Variants in TRIM6 observed in about 807,000 individuals in gnomAD.
TRIM6 encodes the protein tripartite motif containing 6.
TRIM6 carries 43 observed loss-of-function variants against 51.2 expected under a neutral mutation model. That is an observed-to-expected ratio of 0.84 (90% CI 0.66 to 1.08). The LOEUF is 1.08. Among genes scored for constraint, TRIM6 ranks in the 50% least tolerant of loss-of-function variants. The pLI, the probability that TRIM6 is intolerant of heterozygous loss-of-function variation, is 0.00. For synonymous variants in TRIM6, 215 were observed against 232.4 expected (o/e 0.93, Z 0.68); for missense variants, 669 against 619.0 (o/e 1.08, Z -0.86).
Position 5,603,666 on chromosome 11 carries a change from T to C in TRIM6, c.438T>C (p.Leu146=), listed in dbSNP as rs767795956. 2 of 1,612,940 alleles carry C rather than the reference T, an allele frequency of 1.2e-6. No homozygotes were observed. Among genetic ancestry groups the C allele is most frequent in the South Asian group, 2.2e-5 (2 of 90,878 alleles). ...CQEDGKVICW[L]CERSQEHRGH... ...AGGATGGGAAGGTCATTTGCTGGCT[T>C]TGTGAGCGGTCTCAGGAGCACCGTG... Residue 146 remains leucine, a synonymous_variant, in exon 2 of 8, where the codon CTT becomes CTC. Transcript: ENST00000380097.
chr11:5,610,884 G>C lies in TRIM6; in HGVS notation c.1093G>C (p.Glu365Gln), dbSNP rs1848538041. 5 of 1,614,176 alleles carry C rather than the reference G, an allele frequency of 3.1e-6. No homozygotes were observed. Among genetic ancestry groups the C allele is most frequent in the Non-Finnish European group, 4.2e-6 (5 of 1,180,026 alleles). Residue 365 changes from glutamate (E) to glutamine (Q), a missense_variant, in exon 8 of 8, where the codon GAA becomes CAA. Physicochemically the swap from Glu to Gln is conservative, Grantham distance 29 (BLOSUM62 2). Coordinates refer to ENST00000380097, the MANE Select transcript of TRIM6 (RefSeq NM_001003818.3). ...GAKVSGPSCLEKHYDCSVLGS... is the reference protein window; with the variant it reads ...GAKVSGPSCLQKHYDCSVLGS... The stretch of plus-strand genomic sequence containing the variant: ...TAAAGTATCTGGACCTTCCTGTCTG[G>C]AAAAGCATTATGACTGTAGTGTCCT...
intron 4 of TRIM6, among the ~76,000 whole-genome samples, chr11:5,607,879 T>G (rs141311206): frequency 4.1e-4 from 62 of 152,300 alleles, no homozygotes; most frequent in Middle Eastern, 3.4e-3. Flanking sequence ...AAGTACAGAT[T>G]TGAGAATCAT....
Position 5,603,439 on chromosome 11 carries a change from G to C in TRIM6, c.211G>C (p.Gly71Arg). The change falls in exon 2 of 8, where the codon GGC becomes CGC. Residue 71 changes from glycine (G) to arginine (R), a missense_variant. Physicochemically the swap from Gly to Arg is moderately radical, Grantham distance 125. Transcript: ENST00000380097. ...CTGCCAAGCCTGCATCACACCAAAT[G>C]GCAGGGAATCAGTGATTGGTCAAGA... Reference protein sequence around the residue: ...SFCQACITPNGRESVIGQEGE... With the variant: ...SFCQACITPNRRESVIGQEGE... 1 of 1,614,108 alleles carries C rather than the reference G, an allele frequency of 6.2e-7. No individual in the cohort carries two copies. The highest frequency in any genetic ancestry group is 8.5e-7 in the Non-Finnish European group (1 of 1,180,022).
At chr11:5,609,470 AC>A (rs1159913013) in intron 5 of TRIM6, among the ~76,000 whole-genome samples, 2 of 152,044 alleles carry the variant, frequency 1.3e-5, no homozygotes, top group Non-Finnish European at 2.9e-5. Flanking sequence ...GACATCTTCA[AC>A]CCCTCTGATT....
chr11:5,607,416 T>G lies in TRIM6; in HGVS notation c.835-956T>G, dbSNP rs538072742. Among the ~76,000 whole-genome samples the G allele has an allele frequency of 3.3e-5, 5 of 152,176 alleles. No individual in the cohort carries two copies. The South Asian group carries it at 1.0e-3, about 32-fold the overall frequency. On this transcript the variant is annotated intron_variant, in intron 4 of 7. Coordinates refer to ENST00000380097, the MANE Select transcript of TRIM6 (RefSeq NM_001003818.3). ...CATTCTATGTTCAAGCCAGTTTGAGTTGTGCCTCTATGAAATGCCACCATA... is the reference window on the plus strand; with the variant it reads ...CATTCTATGTTCAAGCCAGTTTGAGGTGTGCCTCTATGAAATGCCACCATA...
Position 5,596,891 on chromosome 11 carries a change from T to G in TRIM6, c.-7T>G, listed in dbSNP as rs1202838424. The G allele has an allele frequency of 2.5e-6, 4 of 1,613,860 alleles. No homozygotes were observed. Among genetic ancestry groups the G allele is most frequent in the Admixed American group, 1.7e-5 (1 of 59,982 alleles). ...CATCTGGAACTTCTTGGCTTCTCAT[T>G]CCCCAGATGTGCGGGTCAGAGAGGT... is the stretch of plus-strand genomic sequence containing the variant. On this transcript the variant is annotated 5_prime_UTR_variant, in exon 1 of 8. The change creates a new upstream start codon in the 5' untranslated region. Transcript: ENST00000380097.
chr11:5,602,944 T>A (rs1847958680), intron 1 of TRIM6, among the ~76,000 whole-genome samples: 1 of 151,092 alleles, frequency 6.6e-6, no homozygotes, highest in Non-Finnish European at 1.5e-5. Flanking sequence ...ACAGAGTGAG[T>A]CTCCATCTCA....
At chr11:5,606,826 T>TA (rs2133849600) in intron 4 of TRIM6, among the ~76,000 whole-genome samples, 1 of 152,358 alleles carries the variant, frequency 6.6e-6, no homozygotes, top group African/African-American at 2.4e-5. Flanking sequence ...TAGTCTTTTC[T>TA]AAAAATAAAC....
rs755253219 is a variant in TRIM6, at chr11:5,611,145, CT to C, written c.1355del (p.Leu452ProfsTer3). Reference protein sequence around the residue: ...AYEDSSPSLLLSMTVPPRRVG... With the variant: ...AYEDSSPSLLXSMTVPPRRVG... ...TGAGGATTCTTCCCCTTCCCTGCTT[CT>C]CTCCATGACAGTGCCCCCTCGCCGT... On this transcript the variant is annotated frameshift_variant, in exon 8 of 8. Transcript: ENST00000380097. LOFTEE classifies it high-confidence loss of function. The C allele has an allele frequency of 1.2e-6, 2 of 1,614,170 alleles. No individual in the cohort carries two copies. Among genetic ancestry groups the C allele is most frequent in the South Asian group, 2.2e-5 (2 of 91,084 alleles).
chr11:5,606,178 T>G (rs937314310), intron 4 of TRIM6, among the ~76,000 whole-genome samples: 1 of 152,234 alleles, frequency 6.6e-6, no homozygotes, highest in African/African-American at 2.4e-5. Context: ...GATGATGTAT[T>G]ACCAGCCCTT....
At chr11:5,599,692 C>G (rs958639999) in intron 1 of TRIM6, among the ~76,000 whole-genome samples, 1 of 144,454 alleles carries the variant, frequency 6.9e-6, no homozygotes, top group East Asian at 2.0e-4. Flanking sequence ...CTTGGGCCAC[C>G]GCGCCCGGCC....
intron 1 of TRIM6, among the ~76,000 whole-genome samples, chr11:5,598,066 T>C (rs1291292281): frequency 6.6e-6 from 1 of 152,150 alleles, no homozygotes; most frequent in Non-Finnish European, 1.5e-5. Context: ...GGTTGTGAAT[T>C]TGGGCTCTTT....
rs1275339293 is a variant in TRIM6 at position 5,612,397 on chromosome 11, G to A, written c.*1055G>A. 6.7e-6 allele frequency: 1 copy of A among 150,374 alleles called. No individual in the cohort carries two copies. The highest frequency in any genetic ancestry group is 2.4e-5 in the African/African-American group (1 of 41,030). The allele number at this position is 150,374 out of a possible 1,614,324, so 9.3% of individuals were successfully genotyped here. ...CTTTGGCCTTCCTCTCTACATTTAA[G>A]AGTAGCAATAGAACAATAAAAAAAA... On this transcript the variant is annotated 3_prime_UTR_variant, in exon 8 of 8. Coordinates refer to ENST00000380097, the MANE Select transcript of TRIM6 (RefSeq NM_001003818.3).
intron 1 of TRIM6, among the ~76,000 whole-genome samples, chr11:5,600,072 G>A (rs1847743852): frequency 1.3e-5 from 2 of 152,116 alleles, no homozygotes; most frequent in South Asian, 2.1e-4. Context: ...AGGTAAATAC[G>A]TCTGTAACAC....
chr11:5,609,715 G>T (rs76635660), intron 5 of TRIM6, among the ~76,000 whole-genome samples: 4,591 of 152,280 alleles, frequency 0.03, 111 homozygotes, highest in East Asian at 0.14. Flanking sequence ...GAGGTCAGGA[G>T]ATCAAAACCA....
In TRIM6 at chr11:5,610,642, T is replaced by C. The variant is rs971335965; in HGVS notation, c.985+81T>C. 5.1e-6 allele frequency: 8 copies of C among 1,575,356 alleles called. No individual in the cohort carries two copies. In the African/African-American group the frequency reaches 1.1e-4, roughly 21 times the overall value. On this transcript the variant is annotated intron_variant, in intron 7 of 7. Coordinates refer to ENST00000380097, the MANE Select transcript of TRIM6 (RefSeq NM_001003818.3). Reference sequence around the variant, plus strand: ...CCCTCCCCAGACATAGCCACACAGATCCTAGGTGTTGATGCCTCCCCCATC... The same window carrying C: ...CCCTCCCCAGACATAGCCACACAGACCCTAGGTGTTGATGCCTCCCCCATC...
intron 4 of TRIM6, 83 bp downstream of exon 4, chr11:5,605,650 C>T: frequency 6.8e-7 from 1 of 1,464,450 alleles, no homozygotes; most frequent in Non-Finnish European, 9.0e-7. Flanking sequence ...ATCAGACTAC[C>T]ATCGTTGCAG....
intron 3 of TRIM6, 157 bp downstream of exon 3, chr11:5,604,786 G>C (rs1302899317): frequency 1.5e-6 from 1 of 666,134 alleles, no homozygotes; most frequent in African/African-American, 1.9e-5. Context: ...CCAAACAGGG[G>C]GAGGAGAGGA....
chr11:5,607,107 G>T (rs560479213), intron 4 of TRIM6, among the ~76,000 whole-genome samples: 1 of 152,296 alleles, frequency 6.6e-6, no homozygotes, highest in Non-Finnish European at 1.5e-5. Flanking sequence ...GGGAGGCTGA[G>T]GCAGGAGAAT....
Sources: gnomAD v4.1 joint callset for allele counts (sites outside exome capture counted in the v4.1 genomes callset) on GRCh38, gnomAD v4.1.1 for gene constraint, MANE v1.5 for transcripts, NCBI Gene and HGNC (gene_info 2026-07-23, HGNC 2026-07-21) for gene names.